The following APPBP2 variants were observed in gnomAD, a reference collection of about 807,000 sequenced individuals.
APPBP2 encodes the protein amyloid protein-binding protein 2.
Under a neutral mutation model 76.0 loss-of-function variants are expected in APPBP2, and 15 were observed. The observed-to-expected ratio is 0.20, with a 90% CI of 0.13 to 0.30. The LOEUF (loss-of-function observed/expected upper bound fraction) is 0.30. Ranked by LOEUF, APPBP2 falls within the 10% of genes least tolerant of loss-of-function variation. The pLI is 1.00. For synonymous variants in APPBP2, 222 were observed against 242.2 expected (o/e 0.92, Z 0.77); for missense variants, 401 against 687.2 (o/e 0.58, Z 4.66).
chr17:60,456,818 C>T (rs1253787852), intron 9 of APPBP2, among the ~76,000 whole-genome samples: 2 of 152,076 alleles, frequency 1.3e-5, no homozygotes, highest in African/African-American at 4.8e-5. Flanking sequence ...CTTTCCAGAA[C>T]AGACCACATA....
chr17:60,503,220 C>T (rs1422304765), intron 1 of APPBP2, among the ~76,000 whole-genome samples: 1 of 144,978 alleles, frequency 6.9e-6, no homozygotes, highest in Non-Finnish European at 1.5e-5. Context: ...AACATGTTAG[C>T]CAGGATGGTC....
chr17:60,485,746 C>T (rs913730262), intron 3 of APPBP2, among the ~76,000 whole-genome samples: 26 of 152,070 alleles, frequency 1.7e-4, no homozygotes, highest in African/African-American at 5.8e-4. Context: ...TGCTAGCTTT[C>T]GAACTTGTTT....
At chr17:60,457,503 C>T (rs576298648) in intron 9 of APPBP2, among the ~76,000 whole-genome samples, 9 of 152,142 alleles carry the variant, frequency 5.9e-5, no homozygotes, top group East Asian at 1.9e-4. Flanking sequence ...CATGGCTCAC[C>T]GCAGCCTCAA....
intron 4 of APPBP2, among the ~76,000 whole-genome samples, chr17:60,466,980 A>G (rs544824624): frequency 4.7e-4 from 71 of 152,294 alleles, no homozygotes; most frequent in African/African-American, 1.7e-3. Context: ...TTTATCCTCT[A>G]TAGTAGAAAT....
intron 1 of APPBP2, among the ~76,000 whole-genome samples, chr17:60,520,590 A>AAC (rs1555637034): frequency 1.5e-4 from 22 of 149,404 alleles, no homozygotes; most frequent in African/African-American, 5.6e-4. Flanking sequence ...AAAAAAAAAA[A>AAC]ATTAAGATTG....
chr17:60,499,010 A>C (rs2090799895), intron 2 of APPBP2, among the ~76,000 whole-genome samples: 1 of 151,918 alleles, frequency 6.6e-6, no homozygotes, highest in Non-Finnish European at 1.5e-5. Context: ...AATAAACGTA[A>C]CTTCATGCAT....
At chr17:60,521,222 G>A (rs372803560) in intron 1 of APPBP2, among the ~76,000 whole-genome samples, 2 of 152,138 alleles carry the variant, frequency 1.3e-5, no homozygotes, top group Non-Finnish European at 2.9e-5. Context: ...GTCAACAACC[G>A]ACTGCATATA....
At chr17:60,506,273 C>T (rs1258465810) in intron 1 of APPBP2, among the ~76,000 whole-genome samples, 1 of 152,182 alleles carries the variant, frequency 6.6e-6, no homozygotes, top group Non-Finnish European at 1.5e-5. Flanking sequence ...GGATTACCGG[C>T]CTGAGCCACT....
intron 1 of APPBP2, among the ~76,000 whole-genome samples, chr17:60,510,534 C>T (rs1280899401): frequency 6.7e-6 from 1 of 150,294 alleles, no homozygotes; most frequent in East Asian, 2.0e-4. Flanking sequence ...CCAGCCTGGA[C>T]AACATAGGGA....
At position 60,447,398 on chromosome 17, in the gene APPBP2, A is replaced by C; in HGVS notation, c.*183T>G. ...ACACATGCGGTACATGCTGAATATAACTGAATATATGCTTATTCCTACAGA... is the reference window on the plus strand; with the variant it reads ...ACACATGCGGTACATGCTGAATATACCTGAATATATGCTTATTCCTACAGA... On this transcript the variant is annotated 3_prime_UTR_variant, in exon 13 of 13. Transcript: ENST00000083182. 1 of 584,896 alleles carries C rather than the reference A, an allele frequency of 1.7e-6. No individual in the cohort carries two copies. The highest frequency in any genetic ancestry group is 2.8e-5 in the South Asian group (1 of 36,340). 36.2% of individuals were successfully genotyped at this position (584,896 alleles called of 1,614,324 possible).
At position 60,461,947 on chromosome 17, in the gene APPBP2, A is replaced by G. The variant is rs1005780808; in HGVS notation, c.831-32T>C. 11 of 1,607,376 alleles carry G rather than the reference A, an allele frequency of 6.8e-6. 1 individual carries two copies. The highest frequency in any genetic ancestry group is 1.7e-4 in the Middle Eastern group (1 of 6,042). On this transcript the variant is annotated intron_variant, in intron 7 of 12. Transcript: ENST00000083182. ...AAAGACACAAAATTATTAGGATATA[A>G]AGTATAGAGACAATTTAAAAGGATA... is the stretch of plus-strand genomic sequence containing the variant.
At chr17:60,493,167 G>A in intron 3 of APPBP2, among the ~76,000 whole-genome samples, 1 of 152,136 alleles carries the variant, frequency 6.6e-6, no homozygotes, top group East Asian at 1.9e-4. Context: ...AGCCTCCCCA[G>A]TCATGTGGAA....
chr17:60,516,422 T>C (rs566006699), intron 1 of APPBP2, among the ~76,000 whole-genome samples: 1 of 152,342 alleles, frequency 6.6e-6, no homozygotes, highest in South Asian at 2.1e-4. Flanking sequence ...GTATTTCTTT[T>C]GGCCTGGGGT....
Position 60,444,005 on chromosome 17 carries a change from G to A in APPBP2, c.*3576C>T, listed in dbSNP as rs992320710. 6 of 152,184 alleles carry A rather than the reference G, an allele frequency of 3.9e-5. No homozygotes were observed. Among genetic ancestry groups the A allele is most frequent in the Non-Finnish European group, 8.8e-5 (6 of 68,040 alleles). The allele number at this position is 152,184 out of a possible 1,614,324, so 9.4% of individuals were successfully genotyped here. On this transcript the variant is annotated 3_prime_UTR_variant, in exon 13 of 13. Transcript: ENST00000083182. ...TAGCCAGGCGTGGTGGCAGGAGCCT[G>A]TAATCCCAGCTACTCGGAAGGCTGA...
chr17:60,449,958 G>A (rs542997817), intron 12 of APPBP2, among the ~76,000 whole-genome samples: 29 of 151,916 alleles, frequency 1.9e-4, no homozygotes, highest in African/African-American at 6.3e-4. Flanking sequence ...TACCACGCCC[G>A]GCTAATTTTT....
At chr17:60,494,934 C>A (rs1264019761) in intron 2 of APPBP2, among the ~76,000 whole-genome samples, 2 of 151,276 alleles carry the variant, frequency 1.3e-5, no homozygotes, top group Non-Finnish European at 2.9e-5. Flanking sequence ...GGTACATAAC[C>A]CAGTTTTTAA....
intron 1 of APPBP2, among the ~76,000 whole-genome samples, chr17:60,516,190 C>A (rs557152239): frequency 7.3e-5 from 11 of 151,104 alleles, no homozygotes; most frequent in South Asian, 6.3e-4. Flanking sequence ...AAAAAACAAA[C>A]AAAAAAAACC....
chr17:60,458,229 A>T (rs764847180), intron 9 of APPBP2, among the ~76,000 whole-genome samples: 4 of 152,092 alleles, frequency 2.6e-5, no homozygotes, highest in Non-Finnish European at 5.9e-5. Context: ...AGGTCAGGAG[A>T]TCGAGACCAG....
At chr17:60,512,422 A>C (rs1237631763) in intron 1 of APPBP2, among the ~76,000 whole-genome samples, 1 of 152,084 alleles carries the variant, frequency 6.6e-6, no homozygotes, top group African/African-American at 2.4e-5. Context: ...ATATAGAAAA[A>C]TTGAATTTTT....
Sources: allele counts gnomAD v4.1 joint callset (sites outside exome capture counted in the v4.1 genomes callset), GRCh38; gene constraint gnomAD v4.1.1; transcripts MANE v1.5; gene names NCBI Gene and HGNC (gene_info 2026-07-23, HGNC 2026-07-21).